C12orf42: variants seen among roughly 807,000 people sequenced by gnomAD.
C12orf42 encodes the protein chromosome 12 open reading frame 42, also known as uncharacterized protein C12orf42.
Under a neutral mutation model 21.6 loss-of-function variants are expected in C12orf42, and 25 were observed. The observed-to-expected ratio is 1.16, with a 90% confidence interval of 0.84 to 1.62. The LOEUF (loss-of-function observed/expected upper bound fraction) is 1.62. Among genes scored for constraint, C12orf42 ranks in the 40% most tolerant of loss-of-function variants. The probability of loss-of-function intolerance (pLI) is 0.00; values close to 1 mark genes in which losing one functional copy is unlikely to be tolerated. For synonymous variants in C12orf42, 174 were observed against 175.0 expected (o/e 0.99, Z 0.05); for missense variants, 483 against 459.3 (o/e 1.05, Z -0.47).
chr12:103,221,833 G>A, the C12orf42 span, among the ~76,000 whole-genome samples: 1 of 152,130 alleles, frequency 6.6e-6, no homozygotes, highest in East Asian at 1.9e-4. Context: ...TCAGGGCAAG[G>A]AAACTGAATA....
chr12:103,280,691 C>T (rs1034760604), intron 4 of C12orf42, among the ~76,000 whole-genome samples: 1 of 152,114 alleles, frequency 6.6e-6, no homozygotes. Context: ...ATAAATAATA[C>T]TAGTTATGAA....
the C12orf42 span, among the ~76,000 whole-genome samples, chr12:103,162,090 A>G: frequency 6.6e-6 from 1 of 152,156 alleles, no homozygotes; most frequent in Admixed American, 6.6e-5. Flanking sequence ...CTCTTCCCCA[A>G]CATTGGCTCC....
At chr12:103,358,290 G>T (rs1157235196) in intron 4 of C12orf42, among the ~76,000 whole-genome samples, 1 of 152,088 alleles carries the variant, frequency 6.6e-6, no homozygotes, top group African/African-American at 2.4e-5. Flanking sequence ...AGAGACCAAT[G>T]AATTATCATG....
At chr12:103,187,112 C>T in the C12orf42 span, among the ~76,000 whole-genome samples, 3 of 152,272 alleles carry the variant, frequency 2.0e-5, no homozygotes, top group East Asian at 5.8e-4. Context: ...ATACTAGACT[C>T]ATTCTCTTGG....
the C12orf42 span, among the ~76,000 whole-genome samples, chr12:103,141,976 CAA>C: frequency 7.2e-5 from 11 of 151,908 alleles, no homozygotes; most frequent in African/African-American, 2.2e-4. Flanking sequence ...TTGAGACTCC[CAA>C]AATTAAAATA....
chr12:103,557,553 A>C, the C12orf42 span: 1 of 152,148 alleles, frequency 6.6e-6, no homozygotes, highest in African/African-American at 2.4e-5. Context: ...GAGGAACAAA[A>C]GCCCCCAGGA....
intron 3 of C12orf42, chr12:103,396,448 T>C (rs898414929): frequency 1.3e-5 from 2 of 152,236 alleles, no homozygotes; most frequent in African/African-American, 2.4e-5. Flanking sequence ...AGTATCTTTA[T>C]AGCAGTGTAG....
At chr12:103,430,188 G>A (rs139623623) in intron 2 of C12orf42, among the ~76,000 whole-genome samples, 8,983 of 152,140 alleles carry the variant, frequency 0.059, 257 homozygotes, top group Middle Eastern at 0.12. Flanking sequence ...TTACAGAATG[G>A]GAGAAAATTT....
chr12:103,249,735 G>T (rs1312348325), intron 10 of C12orf42, among the ~76,000 whole-genome samples: 1 of 152,072 alleles, frequency 6.6e-6, no homozygotes, highest in Non-Finnish European at 1.5e-5. Context: ...ACACAGGGCT[G>T]ACAATACCAA....
intron 1 of C12orf42, among the ~76,000 whole-genome samples, chr12:103,491,959 T>TTTG (rs3065869): frequency 0.61 from 92,535 of 151,570 alleles, 30,371 homozygotes; most frequent in Admixed American, 0.76. Flanking sequence ...TTTGTTTTTT[T>TTTG]TTTGTTTGTT....
At chr12:103,148,644 G>A in the C12orf42 span, among the ~76,000 whole-genome samples, 2 of 138,830 alleles carry the variant, frequency 1.4e-5, no homozygotes, top group African/African-American at 2.9e-5. Flanking sequence ...TAATATCTTA[G>A]AATAAAACCA....
chr12:103,109,665 C>A, the C12orf42 span, among the ~76,000 whole-genome samples: 2 of 149,746 alleles, frequency 1.3e-5, no homozygotes, highest in South Asian at 4.2e-4. Flanking sequence ...AAAGCATAAG[C>A]CATAAATGAG....
chr12:103,205,663 G>A, the C12orf42 span, among the ~76,000 whole-genome samples: 1 of 151,320 alleles, frequency 6.6e-6, no homozygotes, highest in African/African-American at 2.4e-5. Flanking sequence ...TGCACCAAGA[G>A]ACATTTATAG....
the C12orf42 span, among the ~76,000 whole-genome samples, chr12:103,107,414 C>T: frequency 7.2e-5 from 11 of 151,900 alleles, no homozygotes; most frequent in Non-Finnish European, 2.9e-5. Flanking sequence ...TCGAAATACA[C>T]ATCTGTTTTC....
In C12orf42 at chr12:103,302,186, G is replaced by A. The variant is rs759359300; in HGVS notation, c.1005C>T (p.Pro335=). ...KRLIKVCSSA[P]PRPTRRFHTV... is the part of the protein sequence containing the mutation. Reference sequence around the variant, plus strand: ...TATGGAAACGCCGGGTTGGGCGGGGGGGTGCTGAGGAGCAAACCTTTATTA... The same window carrying A: ...TATGGAAACGCCGGGTTGGGCGGGGAGGTGCTGAGGAGCAAACCTTTATTA... Residue 335 remains proline, a synonymous_variant, in exon 6 of 6, where the codon CCC becomes CCT. Transcript: ENST00000548883. 1.2e-6 allele frequency: 2 copies of A among 1,612,814 alleles called. No individual in the cohort carries two copies.
chr12:103,161,754 T>G, the C12orf42 span: 1 of 152,222 alleles, frequency 6.6e-6, no homozygotes, highest in Non-Finnish European at 1.5e-5. Context: ...TGATCTTACC[T>G]GGGCCTGAAT....
At chr12:103,506,449 G>C in the C12orf42 span, among the ~76,000 whole-genome samples, 2 of 151,776 alleles carry the variant, frequency 1.3e-5, no homozygotes, top group African/African-American at 4.8e-5. Context: ...TGCAATGATG[G>C]TCCTGTAAGA....
the C12orf42 span, among the ~76,000 whole-genome samples, chr12:103,509,560 C>CA: frequency 6.6e-6 from 1 of 152,148 alleles, no homozygotes; most frequent in East Asian, 1.9e-4. Flanking sequence ...ACATCGATTC[C>CA]AAGGAGAGCA....
At chr12:103,217,448 G>A in the C12orf42 span, among the ~76,000 whole-genome samples, 247 of 150,988 alleles carry the variant, frequency 1.6e-3, 3 homozygotes, top group East Asian at 0.022. Flanking sequence ...AGGATCCCTT[G>A]AGCCTCAGAG....
Sources: allele counts gnomAD v4.1 joint callset (sites outside exome capture counted in the v4.1 genomes callset), GRCh38; gene constraint gnomAD v4.1.1; transcripts MANE v1.5; gene names NCBI Gene and HGNC (gene_info 2026-07-23, HGNC 2026-07-21).